PDE4B: variants seen among roughly 807,000 people sequenced by gnomAD.
The protein encoded by PDE4B is phosphodiesterase 4B.
A neutral mutation model predicts 82.2 loss-of-function variants in PDE4B; 20 were observed. The observed-to-expected ratio is 0.24, with a 90% CI of 0.17 to 0.35. PDE4B has a LOEUF of 0.35. Among genes scored for constraint, PDE4B ranks in the 10% least tolerant of loss-of-function variants. The probability of loss-of-function intolerance (pLI) is 1.00; values close to 1 mark genes in which losing one functional copy is unlikely to be tolerated. For missense variants in PDE4B, 655 were observed against 907.2 expected, an observed-to-expected ratio of 0.72 and a Z score of 3.57; for synonymous variants, 320 against 318.9, an observed-to-expected ratio of 1.00 and a Z score of -0.04.
intron 3 of PDE4B, among the ~76,000 whole-genome samples, chr1:66,092,162 A>C (rs1218226116): frequency 1.3e-5 from 2 of 152,066 alleles, no homozygotes; most frequent in Non-Finnish European, 2.9e-5. Context: ...GCACACTTAG[A>C]AAAGGAGAAA....
intron 3 of PDE4B, 119 bp from the exon 4 acceptor site, chr1:66,247,341 A>T: frequency 1.8e-6 from 1 of 564,206 alleles, no homozygotes; most frequent in South Asian, 3.9e-5. Context: ...TCCATAGTAC[A>T]TACAGTTTTA....
chr1:65,944,562 A>G (rs1302526356), intron 3 of PDE4B, among the ~76,000 whole-genome samples: 1 of 152,004 alleles, frequency 6.6e-6, no homozygotes, highest in Non-Finnish European at 1.5e-5. Context: ...AATGTTTTAT[A>G]GACAGGGAAA....
At chr1:66,214,783 G>A (rs1650323663) in intron 3 of PDE4B, among the ~76,000 whole-genome samples, 1 of 151,950 alleles carries the variant, frequency 6.6e-6, no homozygotes, top group African/African-American at 2.4e-5. Context: ...TTTAGATTTG[G>A]GATAAATACC....
chr1:66,091,069 G>A (rs1413025017), intron 3 of PDE4B, among the ~76,000 whole-genome samples: 1 of 152,032 alleles, frequency 6.6e-6, no homozygotes, highest in East Asian at 1.9e-4. Flanking sequence ...CCCTGTTGTG[G>A]CCCCTGTTCC....
intron 1 of PDE4B, among the ~76,000 whole-genome samples, chr1:65,865,953 T>C (rs1177803055): frequency 1.3e-5 from 2 of 152,166 alleles, no homozygotes; most frequent in Admixed American, 6.5e-5. Flanking sequence ...TCTGATCCTG[T>C]GTGAATTGTA....
At chr1:66,092,582 G>T (rs2100996558) in intron 3 of PDE4B, among the ~76,000 whole-genome samples, 1 of 152,138 alleles carries the variant, frequency 6.6e-6, no homozygotes, top group South Asian at 2.1e-4. Flanking sequence ...TTAGCTAAAT[G>T]ATAATACAAA....
chr1:65,900,219 C>T (rs1646956827), intron 1 of PDE4B, among the ~76,000 whole-genome samples: 1 of 151,966 alleles, frequency 6.6e-6, no homozygotes, highest in Non-Finnish European at 1.5e-5. Flanking sequence ...AATAGGGAGT[C>T]CTTTACCATT....
At chr1:65,867,622 A>G (rs532966903) in intron 1 of PDE4B, among the ~76,000 whole-genome samples, 18 of 152,332 alleles carry the variant, frequency 1.2e-4, no homozygotes, top group Middle Eastern at 3.4e-3. Flanking sequence ...TTAATGAACT[A>G]TACAGATATT....
intron 3 of PDE4B, among the ~76,000 whole-genome samples, chr1:65,962,429 A>G (rs1468432227): frequency 6.6e-6 from 1 of 152,166 alleles, no homozygotes; most frequent in Non-Finnish European, 1.5e-5. Flanking sequence ...AGGTAGCAGA[A>G]TCCACTGTTT....
At chr1:65,867,995 A>G (rs986916437) in intron 1 of PDE4B, among the ~76,000 whole-genome samples, 2 of 152,210 alleles carry the variant, frequency 1.3e-5, no homozygotes, top group African/African-American at 4.8e-5. Context: ...TGGATAACAA[A>G]TATCTGTCTA....
At chr1:66,090,251 G>T (rs544835647) in intron 3 of PDE4B, among the ~76,000 whole-genome samples, 52 of 152,008 alleles carry the variant, frequency 3.4e-4, no homozygotes, top group Non-Finnish European at 5.6e-4. Context: ...ATAAAAGGAA[G>T]TATCTCTTCT....
At position 66,373,187 on chromosome 1, in the gene PDE4B, C is replaced by G. The variant is rs549875635; in HGVS notation, c.*509C>G. The G allele has an allele frequency of 3.0e-4, 46 of 154,050 alleles. No homozygotes were observed. Among genetic ancestry groups the G allele is most frequent in the Non-Finnish European group, 3.8e-4 (26 of 68,974 alleles). The allele number at this position is 154,050 out of a possible 1,614,324, so 9.5% of individuals were successfully genotyped here. A position where few individuals can be genotyped will look rare whatever the true frequency, so the allele number is the denominator to read the frequency against. On this transcript the variant is annotated 3_prime_UTR_variant, in exon 17 of 17. Coordinates refer to ENST00000341517, the MANE Select transcript of PDE4B (RefSeq NM_002600.4). ...TCAAAGTTGACAAACTTTTTTGACT[C>G]TTTCTGGAAAAGGGAAAGAAAATAG...
chr1:65,889,498 A>G (rs1296350979), intron 1 of PDE4B, among the ~76,000 whole-genome samples: 1 of 131,588 alleles, frequency 7.6e-6, no homozygotes, highest in African/African-American at 3.0e-5. Flanking sequence ...TAGGTAACTC[A>G]AAGCTAATTG....
At chr1:66,158,818 G>A (rs1646552868) in intron 3 of PDE4B, among the ~76,000 whole-genome samples, 1 of 152,258 alleles carries the variant, frequency 6.6e-6, no homozygotes, top group South Asian at 2.1e-4. Flanking sequence ...AGGACATTAT[G>A]TTAAGTGAAA....
At chr1:66,225,119 C>T (rs1469049929) in intron 3 of PDE4B, among the ~76,000 whole-genome samples, 1 of 151,950 alleles carries the variant, frequency 6.6e-6, no homozygotes, top group Non-Finnish European at 1.5e-5. Flanking sequence ...TCATCAATTT[C>T]TCTCTCTCTC....
Position 65,792,916 on chromosome 1 carries a change from G to A in PDE4B, c.-403G>A, listed in dbSNP as rs1472309824. ...GGCCAGAGGACGAGAGAAGAGCTGA[G>A]GGGCGCGTCGCCAGCGCCTGTGTCT... is the stretch of plus-strand genomic sequence containing the variant. On this transcript the variant is annotated 5_prime_UTR_variant, in exon 1 of 17. Coordinates refer to ENST00000341517, the MANE Select transcript of PDE4B (RefSeq NM_002600.4). Among the ~76,000 whole-genome samples the A allele has an allele frequency of 6.6e-6, 1 of 151,966 alleles. No individual in the cohort carries two copies. The highest frequency in any genetic ancestry group is 1.5e-5 in the Non-Finnish European group (1 of 67,942).
intron 3 of PDE4B, among the ~76,000 whole-genome samples, chr1:65,957,320 T>C (rs1649311690): frequency 6.6e-6 from 1 of 152,126 alleles, no homozygotes; most frequent in South Asian, 2.1e-4. Flanking sequence ...AGTTTTAAGG[T>C]TCGCCACCAT....
rs1647363271 is a variant in PDE4B, at chr1:65,924,099, G to T, written c.281+5264G>T. Among the ~76,000 whole-genome samples, 3 of 1,794 alleles carry T rather than the reference G, an allele frequency of 1.7e-3. No individual in the cohort carries two copies. In the Admixed American group the frequency reaches 0.06, roughly 36 times the overall value. 1.2% of individuals were successfully genotyped at this position (1,794 alleles called of 152,430 possible). The stretch of plus-strand genomic sequence containing the variant: ...CTAATTTTTTTTTTTTTTTGAGACG[G>T]AGTCTCGCTCTGTCGCCCAGGCTGG... On this transcript the variant is annotated intron_variant, in intron 3 of 16. Transcript: ENST00000341517.
chr1:66,299,584 G>A (rs150678698), intron 7 of PDE4B, among the ~76,000 whole-genome samples: 2 of 152,222 alleles, frequency 1.3e-5, no homozygotes, highest in African/African-American at 4.8e-5. Context: ...ATACCCAGTA[G>A]TGGGATCACT....
Sources: gnomAD v4.1 joint callset for allele counts (sites outside exome capture counted in the v4.1 genomes callset) on GRCh38, gnomAD v4.1.1 for gene constraint, MANE v1.5 for transcripts, NCBI Gene and HGNC (gene_info 2026-07-23, HGNC 2026-07-21) for gene names.